Variants in COMMD10 observed in about 807,000 individuals in gnomAD.
The protein encoded by COMMD10 is COMM domain containing 10, also known as COMM domain-containing protein 10.
Under a neutral mutation model 28.9 loss-of-function variants are expected in COMMD10, and 33 were observed. The ratio of observed to expected loss-of-function variants is 1.14; its 90% CI spans 0.87 to 1.53. The LOEUF (loss-of-function observed/expected upper bound fraction) is 1.53, where lower values mean the gene tolerates loss of function less well. Ranked by LOEUF, COMMD10 falls within the 40% of genes most tolerant of loss-of-function variation. The pLI, the probability that COMMD10 is intolerant of heterozygous loss-of-function variation, is 0.00. For synonymous variants in COMMD10, 110 were observed against 81.7 expected, an observed-to-expected ratio of 1.35 and a Z score of -1.87; for missense variants, 310 against 233.4, an observed-to-expected ratio of 1.33 and a Z score of -2.14.
intron 5 of COMMD10, among the ~76,000 whole-genome samples, chr5:116,184,956 TC>T (rs925773421): frequency 6.6e-6 from 1 of 152,108 alleles, no homozygotes; most frequent in African/African-American, 2.4e-5. Context: ...GGCCTTAACT[TC>T]CTATTTTGCA....
intron 4 of COMMD10, among the ~76,000 whole-genome samples, chr5:116,119,143 C>T (rs954312765): frequency 3.3e-5 from 5 of 152,006 alleles, no homozygotes; most frequent in South Asian, 2.1e-4. Context: ...TTGATGATTT[C>T]CCTCACTTCC....
intron 5 of COMMD10, among the ~76,000 whole-genome samples, chr5:116,136,132 C>G (rs571975558): frequency 6.6e-6 from 1 of 152,104 alleles, no homozygotes; most frequent in Non-Finnish European, 1.5e-5. Flanking sequence ...AAATTTATTT[C>G]CTGATGAAGT....
At chr5:116,224,453 G>C (rs1749341439) in intron 5 of COMMD10, among the ~76,000 whole-genome samples, 1 of 152,212 alleles carries the variant, frequency 6.6e-6, no homozygotes, top group African/African-American at 2.4e-5. Flanking sequence ...TGTACAGGAA[G>C]TGTAGTGCTC....
intron 5 of COMMD10, among the ~76,000 whole-genome samples, chr5:116,244,566 A>G: frequency 6.6e-6 from 1 of 151,534 alleles, no homozygotes. Context: ...GGGGTAAAGA[A>G]TAGGAGAAGT....
intron 5 of COMMD10, among the ~76,000 whole-genome samples, chr5:116,153,211 C>T (rs903165946): frequency 2.0e-5 from 3 of 152,006 alleles, no homozygotes; most frequent in African/African-American, 7.2e-5. Context: ...TTTAAAAATA[C>T]AAATTAAAAT....
intron 5 of COMMD10, among the ~76,000 whole-genome samples, chr5:116,215,695 A>AATATATATATATAT (rs58135204): frequency 7.5e-6 from 1 of 133,828 alleles, no homozygotes; most frequent in Non-Finnish European, 1.6e-5. Flanking sequence ...TAAAAAAAGA[A>AATATATATATATAT]ATATATATAT....
chr5:116,275,112 G>A (rs1750868331), intron 5 of COMMD10, among the ~76,000 whole-genome samples: 16 of 151,620 alleles, frequency 1.1e-4, no homozygotes, highest in Admixed American at 8.6e-4. Flanking sequence ...TCTTTCACTT[G>A]CCCAAGGCAG....
chr5:116,182,391 T>C (rs1747998338), intron 5 of COMMD10, among the ~76,000 whole-genome samples: 1 of 151,766 alleles, frequency 6.6e-6, no homozygotes, highest in Non-Finnish European at 1.5e-5. Flanking sequence ...TATTGTTTAC[T>C]GAAATGGGGA....
intron 5 of COMMD10, among the ~76,000 whole-genome samples, chr5:116,184,502 C>T (rs1222464764): frequency 2.0e-5 from 3 of 151,920 alleles, no homozygotes; most frequent in Non-Finnish European, 4.4e-5. Flanking sequence ...TCCACCCCGC[C>T]TTTCTGGGTT....
In COMMD10 at chr5:116,219,887, TTCTG is replaced by T. The variant is rs545796931; in HGVS notation, c.511-71629_511-71626del. Among the ~76,000 whole-genome samples, 15 of 152,310 alleles carry T rather than the reference TTCTG, an allele frequency of 9.8e-5. No homozygotes were observed. The South Asian group carries it at 2.5e-3, about 25-fold the overall frequency. ...TGCTATTTTTTTGTAAACTGCCTCT[TTCTG>T]GTATTTTTTTCAAACACTGATGGAT... is the stretch of plus-strand genomic sequence containing the variant. On this transcript the variant is annotated intron_variant, in intron 5 of 6. Transcript: ENST00000274458.
chr5:116,266,614 A>G (rs7729362), intron 5 of COMMD10, among the ~76,000 whole-genome samples: 149,697 of 151,726 alleles, frequency 0.99, 73,927 homozygotes, highest in East Asian at 1. Context: ...ACAACAAAAG[A>G]TAGTTGCACT....
At position 116,274,122 on chromosome 5, in the gene COMMD10, T is replaced by G. The variant is rs893806212; in HGVS notation, c.511-17395T>G. ...ATGATAGTGAAGAGGGTCTGAAATT[T>G]CAACCTTGAGATGCACTTACACTGT... On this transcript the variant is annotated intron_variant, in intron 5 of 6. Coordinates refer to ENST00000274458, the MANE Select transcript of COMMD10 (RefSeq NM_016144.4). 1.4e-4 allele frequency among the ~76,000 whole-genome samples: 21 copies of G among 151,786 alleles called. 2 individuals are homozygous for G. The highest frequency in any genetic ancestry group is 3.9e-4 in the African/African-American group (16 of 41,164).
chr5:116,259,442 T>C (rs925393269), intron 5 of COMMD10, among the ~76,000 whole-genome samples: 1 of 151,706 alleles, frequency 6.6e-6, no homozygotes, highest in Non-Finnish European at 1.5e-5. Context: ...ATATTTAACG[T>C]TTTCCTCTGT....
chr5:116,287,404 C>G (rs1349147404), intron 5 of COMMD10, among the ~76,000 whole-genome samples: 1 of 151,742 alleles, frequency 6.6e-6, no homozygotes, highest in Non-Finnish European at 1.5e-5. Flanking sequence ...CTTCTGCTCT[C>G]TTTTGTTACC....
chr5:116,088,808 T>G lies in COMMD10; in HGVS notation c.132+1221T>G, dbSNP rs138614304. On this transcript the variant is annotated intron_variant, in intron 2 of 6. Coordinates refer to ENST00000274458, the MANE Select transcript of COMMD10 (RefSeq NM_016144.4). The stretch of plus-strand genomic sequence containing the variant: ...TGCTCCTAGTTCATTCTCACCTGAT[T>G]TTAGTACTGCATCATAAGTATTTGT... 3.2e-3 allele frequency among the ~76,000 whole-genome samples: 490 copies of G among 152,344 alleles called. 3 individuals are homozygous for G. The highest frequency in any genetic ancestry group is 0.01 in the Middle Eastern group (3 of 292).
At chr5:116,210,189 C>CT (rs1748922635) in intron 5 of COMMD10, among the ~76,000 whole-genome samples, 1 of 152,172 alleles carries the variant, frequency 6.6e-6, no homozygotes, top group South Asian at 2.1e-4. Flanking sequence ...TAATCACCTC[C>CT]TAAAGGTCTG....
At chr5:116,119,823 C>T (rs1280228133) in intron 4 of COMMD10, among the ~76,000 whole-genome samples, 1 of 152,006 alleles carries the variant, frequency 6.6e-6, no homozygotes, top group African/African-American at 2.4e-5. Flanking sequence ...GCCATTTTGC[C>T]CAGGCTGGTC....
At chr5:116,255,406 C>T (rs1323397149) in intron 5 of COMMD10, among the ~76,000 whole-genome samples, 1 of 151,648 alleles carries the variant, frequency 6.6e-6, no homozygotes, top group Non-Finnish European at 1.5e-5. Flanking sequence ...ATGGTCGTTA[C>T]ATTTTGGCAT....
At chr5:116,172,072 A>G (rs1170897365) in intron 5 of COMMD10, among the ~76,000 whole-genome samples, 1 of 152,162 alleles carries the variant, frequency 6.6e-6, no homozygotes, top group Non-Finnish European at 1.5e-5. Flanking sequence ...GTATGTCCAG[A>G]GCTTACAGAA....
Sources: gnomAD v4.1 joint callset for allele counts (sites outside exome capture counted in the v4.1 genomes callset) on GRCh38, gnomAD v4.1.1 for gene constraint, MANE v1.5 for transcripts, NCBI Gene and HGNC (gene_info 2026-07-23, HGNC 2026-07-21) for gene names.